Variants in SEL1L2 observed in about 807,000 individuals in gnomAD.
The protein encoded by SEL1L2 is SEL1L2 adaptor subunit of SYVN1 ubiquitin ligase.
A neutral mutation model predicts 98.8 loss-of-function variants in SEL1L2; 89 were observed. The ratio of observed to expected loss-of-function variants is 0.90; its 90% CI spans 0.76 to 1.07. SEL1L2 has a LOEUF of 1.07. Ranked by LOEUF, SEL1L2 falls within the 50% of genes least tolerant of loss-of-function variation. The pLI is 0.00. For synonymous variants in SEL1L2, 262 were observed against 278.5 expected (o/e 0.94, Z 0.59); for missense variants, 788 against 812.0 (o/e 0.97, Z 0.36).
At chr20:13,869,813 A>G (rs1211371086) in intron 13 of SEL1L2, among the ~76,000 whole-genome samples, 1 of 152,138 alleles carries the variant, frequency 6.6e-6, no homozygotes, top group Non-Finnish European at 1.5e-5. Context: ...CATTGACAGT[A>G]AGTTTTGTTA....
Position 13,908,240 on chromosome 20 carries a change from C to A in SEL1L2, c.549+5542G>T, listed in dbSNP as rs190763767. ...TCAAGTGATCCTTCTGCCTTAGCCT[C>A]CCGAGTAGCTGGACCAACAGGCATG... On this transcript the variant is annotated intron_variant, in intron 5 of 19. Coordinates refer to ENST00000284951, the MANE Select transcript of SEL1L2 (RefSeq NM_025229.2). 4.1e-3 allele frequency among the ~76,000 whole-genome samples: 624 copies of A among 151,168 alleles called. 2 individuals carry two copies. Among genetic ancestry groups the A allele is most frequent in the Non-Finnish European group, 5.8e-3 (397 of 67,898 alleles).
chr20:13,935,951 A>T (rs187437128), intron 2 of SEL1L2, among the ~76,000 whole-genome samples: 1 of 152,306 alleles, frequency 6.6e-6, no homozygotes, highest in African/African-American at 2.4e-5. Context: ...ATTGCTGACA[A>T]GATTTTCTGT....
intron 2 of SEL1L2, among the ~76,000 whole-genome samples, chr20:13,934,830 T>C (rs780122720): frequency 2.0e-5 from 3 of 151,968 alleles, no homozygotes; most frequent in Non-Finnish European, 4.4e-5. Flanking sequence ...TGGTATCACA[T>C]TGTGGTTTTG....
At chr20:13,972,681 A>C (rs1488795757) in intron 1 of SEL1L2, among the ~76,000 whole-genome samples, 1 of 152,240 alleles carries the variant, frequency 6.6e-6, no homozygotes, top group Non-Finnish European at 1.5e-5. Flanking sequence ...TTCTAAGTTC[A>C]AAATCATTTT....
intron 5 of SEL1L2, 123 bp from the exon 6 acceptor site, chr20:13,888,635 CTTTTTTTT>C (rs71188192): frequency 1.5e-4 from 32 of 206,476 alleles, no homozygotes; most frequent in South Asian, 6.2e-4. Flanking sequence ...CTTTCTTTCT[CTTTTTTTT>C]TTTTTTTTTT....
chr20:13,989,340 T>C (rs553340666), intron 1 of SEL1L2, among the ~76,000 whole-genome samples: 9 of 152,338 alleles, frequency 5.9e-5, no homozygotes, highest in African/African-American at 2.2e-4. Context: ...GTTATGGAGC[T>C]CATTTATTAG....
chr20:13,957,954 T>C (rs1257036170), intron 1 of SEL1L2, among the ~76,000 whole-genome samples: 2 of 152,186 alleles, frequency 1.3e-5, no homozygotes, highest in Non-Finnish European at 2.9e-5. Flanking sequence ...AGACGATACA[T>C]ATCTGATACT....
chr20:13,990,429 C>T (rs745806584), intron 1 of SEL1L2, 48 bp downstream of exon 1: 24 of 1,355,822 alleles, frequency 1.8e-5, no homozygotes, highest in Non-Finnish European at 2.4e-5. Context: ...GCTGTTTGAG[C>T]AAAGAGAAGA....
chr20:13,980,140 A>G (rs909679934), intron 1 of SEL1L2, among the ~76,000 whole-genome samples: 10 of 152,244 alleles, frequency 6.6e-5, no homozygotes, highest in African/African-American at 2.2e-4. Context: ...AATGCAAATT[A>G]AAATCACAAC....
chr20:13,989,832 CAG>C (rs1260087850), intron 1 of SEL1L2, among the ~76,000 whole-genome samples: 1 of 151,896 alleles, frequency 6.6e-6, no homozygotes, highest in Non-Finnish European at 1.5e-5. Context: ...TTTTCTCTGA[CAG>C]GGAATTGAAC....
At chr20:13,976,608 G>A (rs1484033650) in intron 1 of SEL1L2, among the ~76,000 whole-genome samples, 2 of 152,228 alleles carry the variant, frequency 1.3e-5, no homozygotes, top group Non-Finnish European at 2.9e-5. Context: ...TTTGACTACT[G>A]GACAAGACAT....
At chr20:13,893,355 G>A (rs2047286439) in intron 5 of SEL1L2, among the ~76,000 whole-genome samples, 1 of 152,130 alleles carries the variant, frequency 6.6e-6, no homozygotes, top group Non-Finnish European at 1.5e-5. Context: ...CCAAAAAAGA[G>A]CCAGAGCAGC....
intron 1 of SEL1L2, among the ~76,000 whole-genome samples, chr20:13,985,099 C>A (rs1395694460): frequency 6.6e-6 from 1 of 151,892 alleles, no homozygotes; most frequent in African/African-American, 2.4e-5. Flanking sequence ...TGGATATCCC[C>A]TCTCCCCCAA....
At chr20:13,959,810 G>A (rs1374808612) in intron 1 of SEL1L2, among the ~76,000 whole-genome samples, 1 of 152,186 alleles carries the variant, frequency 6.6e-6, no homozygotes, top group East Asian at 1.9e-4. Context: ...GATTAACAAA[G>A]ATGTGTTTGA....
intron 2 of SEL1L2, among the ~76,000 whole-genome samples, chr20:13,953,535 A>G (rs977173276): frequency 1.4e-4 from 22 of 152,304 alleles, no homozygotes; most frequent in African/African-American, 5.3e-4. Context: ...AGCCAGGTGT[A>G]AAAGGGTCCC....
intron 17 of SEL1L2, among the ~76,000 whole-genome samples, chr20:13,860,285 T>C (rs942735549): frequency 1.3e-5 from 2 of 152,188 alleles, no homozygotes; most frequent in African/African-American, 4.8e-5. Context: ...ACTGAACCTT[T>C]TCAAAAGTGT....
intron 5 of SEL1L2, among the ~76,000 whole-genome samples, chr20:13,908,313 G>C (rs976304945): frequency 3.3e-5 from 5 of 150,966 alleles, no homozygotes; most frequent in African/African-American, 1.2e-4. Context: ...TGTAGAGACA[G>C]GATTCTCACC....
chr20:13,914,010 C>T, intron 4 of SEL1L2, 66 bp from the exon 5 acceptor site: 2 of 1,339,492 alleles, frequency 1.5e-6, no homozygotes, highest in Non-Finnish European at 2.0e-6. Flanking sequence ...TTCTTCAACA[C>T]TATTCATACT....
intron 1 of SEL1L2, among the ~76,000 whole-genome samples, chr20:13,959,727 T>A (rs1289705980): frequency 6.6e-6 from 1 of 152,202 alleles, no homozygotes; most frequent in Non-Finnish European, 1.5e-5. Flanking sequence ...GAAGCATGGA[T>A]TTTTACACTA....
Sources: gnomAD v4.1 joint callset for allele counts (sites outside exome capture counted in the v4.1 genomes callset) on GRCh38, gnomAD v4.1.1 for gene constraint, MANE v1.5 for transcripts, NCBI Gene and HGNC (gene_info 2026-07-23, HGNC 2026-07-21) for gene names.